Variants in F8 observed in about 807,000 individuals in gnomAD.
F8 encodes antihemophilic factor.
Under a neutral mutation model 140.6 loss-of-function variants are expected in F8, and 12 were observed. That is an observed-to-expected ratio of 0.09 (90% CI 0.05 to 0.14). The LOEUF is 0.14. Among genes scored for constraint, F8 ranks in the 10% least tolerant of loss-of-function variants. The pLI, the probability that F8 is intolerant of heterozygous loss-of-function variation, is 1.00. For missense variants in F8, 1,354 were observed against 1,720.7 expected (o/e 0.79, Z 3.77); for synonymous variants, 585 against 614.6 (o/e 0.95, Z 0.71).
intron 22 of F8, among the ~76,000 whole-genome samples, chrX:154,878,233 T>C (rs960359121): frequency 9.1e-6 from 1 of 110,038 alleles, no homozygotes; most frequent in South Asian, 3.8e-4. Context: ...GCAAACCAAA[T>C]CCAGCAGCAT....
chrX:154,888,379 G>GGTTTTTTTTT (rs1557274878), intron 22 of F8, among the ~76,000 whole-genome samples: 1 of 17,683 alleles, frequency 5.7e-5, no homozygotes, highest in Non-Finnish European at 8.5e-5. Context: ...TTGTAATAGG[G>GGTTTTTTTTT]ATTTTTTTTT....
chrX:154,984,303 A>G (rs782109339), intron 6 of F8, among the ~76,000 whole-genome samples: 1 of 112,014 alleles, frequency 8.9e-6, no homozygotes, highest in East Asian at 2.8e-4. Flanking sequence ...CTTTATGAAA[A>G]TAGAAGTAAG....
At chrX:154,994,733 C>T (rs1199132129) in intron 3 of F8, among the ~76,000 whole-genome samples, 1 of 111,771 alleles carries the variant, frequency 8.9e-6, no homozygotes, top group Non-Finnish European at 1.9e-5. Flanking sequence ...CTAAAACTGA[C>T]CTGTGGATTA....
intron 22 of F8, among the ~76,000 whole-genome samples, chrX:154,880,921 T>C (rs1414661348): frequency 9.1e-5 from 10 of 110,420 alleles, no homozygotes; most frequent in Non-Finnish European, 1.9e-4. Flanking sequence ...CCAGCTAGGT[T>C]CACCAGTATG....
chrX:154,985,164 G>A (rs192826080), intron 5 of F8, among the ~76,000 whole-genome samples: 10 of 111,823 alleles, frequency 8.9e-5, no homozygotes, highest in Non-Finnish European at 1.5e-4. Flanking sequence ...GGCCGGGCGC[G>A]GTGGCTCACA....
intron 6 of F8, among the ~76,000 whole-genome samples, chrX:154,973,031 G>C (rs1184247627): frequency 3.6e-5 from 4 of 111,452 alleles, no homozygotes; most frequent in Non-Finnish European, 5.7e-5. Flanking sequence ...TTTCATACGT[G>C]GTGAGAGATA....
intron 4 of F8, among the ~76,000 whole-genome samples, chrX:154,989,255 T>C (rs1444276168): frequency 8.9e-6 from 1 of 112,038 alleles, no homozygotes; most frequent in Non-Finnish European, 1.9e-5. Context: ...TTTTCAATTA[T>C]AGTGAAATTG....
chrX:154,951,561 G>A (rs1330167288), intron 12 of F8, among the ~76,000 whole-genome samples: 1 of 111,703 alleles, frequency 9.0e-6, no homozygotes, highest in Admixed American at 9.5e-5. Context: ...ATATTGTTGT[G>A]TATAGCTTTA....
At chrX:154,898,411 T>A (rs149886507) in intron 21 of F8, among the ~76,000 whole-genome samples, 1 of 112,471 alleles carries the variant, frequency 8.9e-6, no homozygotes, top group Non-Finnish European at 1.9e-5. Flanking sequence ...GATTTGTAAC[T>A]GGTTTAATTA....
chrX:154,981,333 TGAG>T (rs1289725303), intron 6 of F8, among the ~76,000 whole-genome samples: 1 of 110,094 alleles, frequency 9.1e-6, no homozygotes, highest in East Asian at 2.9e-4. Context: ...GATGTTTCTG[TGAG>T]GAGATTATTG....
chrX:154,992,548 T>G (rs1389612970), intron 4 of F8, among the ~76,000 whole-genome samples: 1 of 112,257 alleles, frequency 8.9e-6, no homozygotes, highest in Non-Finnish European at 1.9e-5. Context: ...TGAACCAGTC[T>G]ATATGCCATT....
chrX:154,851,410 G>A (rs2072614227), intron 25 of F8, among the ~76,000 whole-genome samples: 1 of 111,654 alleles, frequency 9.0e-6, no homozygotes, highest in African/African-American at 3.3e-5. Flanking sequence ...CCACACCCAG[G>A]AGTAGAATTG....
At chrX:154,874,614 C>T (rs952980242) in intron 22 of F8, among the ~76,000 whole-genome samples, 1 of 112,078 alleles carries the variant, frequency 8.9e-6, no homozygotes, top group South Asian at 3.7e-4. Flanking sequence ...CCAACACTGT[C>T]GCATTGGGAA....
intron 4 of F8, among the ~76,000 whole-genome samples, chrX:154,988,393 T>C (rs1034052375): frequency 1.8e-5 from 2 of 111,834 alleles, no homozygotes; most frequent in East Asian, 2.8e-4. Flanking sequence ...GACCTCATGG[T>C]TATTTCTTTA....
Position 154,836,596 on chromosome X carries a change from G to A in F8, c.*1001C>T, listed in dbSNP as rs183289212. 111 of 111,909 alleles carry A rather than the reference G, an allele frequency of 9.9e-4. No individual in the cohort carries two copies. The highest frequency in any genetic ancestry group is 3.4e-3 in the African/African-American group (104 of 30,850). 9.2% of individuals were successfully genotyped at this position (111,909 alleles called of 1,213,427 possible). On this transcript the variant is annotated 3_prime_UTR_variant, in exon 26 of 26. Coordinates refer to ENST00000360256, the MANE Select transcript of F8 (RefSeq NM_000132.4). ...TTATTTTCAGCAGGAAATTAGTAGA[G>A]GGAGAGAGTAAACTGAGTGCATTAT... is the stretch of plus-strand genomic sequence containing the variant.
intron 22 of F8, among the ~76,000 whole-genome samples, chrX:154,879,356 G>A (rs1557274274): frequency 8.9e-6 from 1 of 111,891 alleles, no homozygotes; most frequent in African/African-American, 3.3e-5. Context: ...TCATGGGTAT[G>A]TACCTCAAAT....
chrX:154,989,840 G>T (rs2073577968), intron 4 of F8, among the ~76,000 whole-genome samples: 1 of 111,814 alleles, frequency 8.9e-6, no homozygotes, highest in Admixed American at 9.5e-5. Context: ...AAACGTTCTT[G>T]GTTCCAAGCA....
At chrX:154,888,480 C>T (rs1339370236) in intron 22 of F8, among the ~76,000 whole-genome samples, 4 of 77,853 alleles carry the variant, frequency 5.1e-5, no homozygotes, top group East Asian at 8.0e-4. Flanking sequence ...CTGCAACCTC[C>T]GCCTCCTGGG....
At chrX:154,854,307 T>G (rs1270955595) in intron 25 of F8, among the ~76,000 whole-genome samples, 1 of 112,300 alleles carries the variant, frequency 8.9e-6, no homozygotes, top group African/African-American at 3.2e-5. Flanking sequence ...TTCTCCCCAG[T>G]GTGGGTAGAA....
Sources: allele counts gnomAD v4.1 joint callset (sites outside exome capture counted in the v4.1 genomes callset), GRCh38; gene constraint gnomAD v4.1.1; transcripts MANE v1.5; gene names NCBI Gene and HGNC (gene_info 2026-07-23, HGNC 2026-07-21).